BPTF: variants seen among roughly 807,000 people sequenced by gnomAD.
BPTF encodes the protein bromodomain PHD finger transcription factor.
Under a neutral mutation model 292.5 loss-of-function variants are expected in BPTF, and 18 were observed. The ratio of observed to expected loss-of-function variants is 0.06; its 90% CI spans 0.04 to 0.09. BPTF has a LOEUF of 0.09. Ranked by LOEUF, BPTF falls within the 10% of genes least tolerant of loss-of-function variation. The pLI is 1.00. For missense variants in BPTF, 2,726 were observed against 3,498.7 expected (o/e 0.78, Z 5.57); for synonymous variants, 1,225 against 1,251.9 (o/e 0.98, Z 0.45).
intron 3 of BPTF, among the ~76,000 whole-genome samples, chr17:67,874,569 C>CT (rs953973420): frequency 6.6e-5 from 10 of 152,004 alleles, no homozygotes; most frequent in Admixed American, 1.3e-4. Context: ...GCTCATTTTA[C>CT]TTTTTTTAAA....
intron 1 of BPTF, among the ~76,000 whole-genome samples, chr17:67,841,801 A>ATTGAT (rs2057575996): frequency 6.6e-6 from 1 of 152,154 alleles, no homozygotes; most frequent in East Asian, 1.9e-4. Flanking sequence ...TACATTTAAT[A>ATTGAT]TGATTGATAA....
chr17:67,906,703 A>C (rs2062225225), intron 9 of BPTF, among the ~76,000 whole-genome samples: 1 of 152,080 alleles, frequency 6.6e-6, no homozygotes, highest in Non-Finnish European at 1.5e-5. Flanking sequence ...CATTCATTTA[A>C]ATTAAAAATA....
chr17:67,891,929 C>T lies in BPTF; in HGVS notation c.1950C>T (p.Ile650=), dbSNP rs759197596. Residue 650 remains isoleucine, a synonymous_variant, in exon 5 of 28, where the codon ATC becomes ATT. Coordinates refer to ENST00000306378, the MANE Select transcript of BPTF (RefSeq NM_182641.4). The part of the protein sequence containing the change: ...AGKGASGSTR[I]ITRLRNPDSK... ...AAGGAGCATCTGGCTCAACTCGAATCATCACCAGATTGCGGAATCCAGATA... is the reference window on the plus strand; with the variant it reads ...AAGGAGCATCTGGCTCAACTCGAATTATCACCAGATTGCGGAATCCAGATA... The T allele has an allele frequency of 1.9e-6, 3 of 1,613,024 alleles. No homozygotes were observed. Among genetic ancestry groups the T allele is most frequent in the East Asian group, 2.2e-5 (1 of 44,786 alleles).
At chr17:67,834,049 G>A (rs1403572351) in intron 1 of BPTF, among the ~76,000 whole-genome samples, 1 of 151,806 alleles carries the variant, frequency 6.6e-6, no homozygotes, top group Non-Finnish European at 1.5e-5. Context: ...TGATTTCTTT[G>A]TAGTTCTCAC....
rs906145180 is a variant in BPTF at position 67,914,715 on chromosome 17, G to A, written c.5303+1528G>A. On this transcript the variant is annotated intron_variant, in intron 11 of 27. Coordinates refer to ENST00000306378, the MANE Select transcript of BPTF (RefSeq NM_182641.4). The stretch of plus-strand genomic sequence containing the variant: ...GCACTCTTCTCTGAACTCTCCAGGA[G>A]AGTTAGGCACTGGTCCCAATCAAGT... Among the ~76,000 whole-genome samples, 64 of 152,170 alleles carry A rather than the reference G, an allele frequency of 4.2e-4. 3 individuals carry two copies. Among genetic ancestry groups the A allele is most frequent in the Non-Finnish European group, 2.9e-5 (2 of 68,028 alleles).
chr17:67,932,037 A>G lies in BPTF; in HGVS notation c.6259+18A>G, dbSNP rs1337739883. 2 of 1,597,432 alleles carry G rather than the reference A, an allele frequency of 1.3e-6. No individual in the cohort carries two copies. The highest frequency in any genetic ancestry group is 2.2e-5 in the East Asian group (1 of 44,768). ...ACAGCCAGGTATTTATCCATCCAGC[A>G]TTATCATTTTACATCTCAACAGCCA... On this transcript the variant is annotated intron_variant, in intron 18 of 27. Coordinates refer to ENST00000306378, the MANE Select transcript of BPTF (RefSeq NM_182641.4).
At chr17:67,922,079 G>C (rs1020938665) in intron 13 of BPTF, among the ~76,000 whole-genome samples, 6 of 152,008 alleles carry the variant, frequency 3.9e-5, no homozygotes, top group Non-Finnish European at 7.4e-5. Context: ...AAACAGCTCT[G>C]TTGATGGGCA....
intron 3 of BPTF, among the ~76,000 whole-genome samples, chr17:67,872,395 T>G (rs146194411): frequency 1.2e-4 from 18 of 152,204 alleles, no homozygotes; most frequent in African/African-American, 4.1e-4. Context: ...AATGATTTGG[T>G]TAAGAAAAGC....
intron 26 of BPTF, among the ~76,000 whole-genome samples, chr17:67,968,395 C>T (rs1409028479): frequency 6.6e-6 from 1 of 151,382 alleles, no homozygotes; most frequent in Non-Finnish European, 1.5e-5. Context: ...TTTGGGTAGT[C>T]GCCTTTGAGA....
chr17:67,941,804 A>G (rs1481575789), intron 19 of BPTF, among the ~76,000 whole-genome samples: 3 of 152,250 alleles, frequency 2.0e-5, no homozygotes, highest in Non-Finnish European at 4.4e-5. Flanking sequence ...TCCTAAACAG[A>G]TAGAAAATGC....
chr17:67,938,045 A>G (rs1366957046), intron 18 of BPTF, among the ~76,000 whole-genome samples: 1 of 152,238 alleles, frequency 6.6e-6, no homozygotes, highest in African/African-American at 2.4e-5. Context: ...CCCAGGAGGC[A>G]GAAGTTGCAG....
intron 4 of BPTF, among the ~76,000 whole-genome samples, chr17:67,882,251 G>A (rs905560039): frequency 6.6e-6 from 1 of 152,084 alleles, no homozygotes; most frequent in African/African-American, 2.4e-5. Flanking sequence ...AATGGGAAAT[G>A]ATATTTAGAG....
chr17:67,907,829 A>G (rs2062338893), intron 9 of BPTF, among the ~76,000 whole-genome samples: 1 of 152,190 alleles, frequency 6.6e-6, no homozygotes, highest in African/African-American at 2.4e-5. Context: ...CGTAATTAAC[A>G]AATTAATAAT....
intron 3 of BPTF, among the ~76,000 whole-genome samples, chr17:67,868,092 TATA>T (rs1258139364): frequency 6.6e-6 from 1 of 152,234 alleles, no homozygotes; most frequent in Non-Finnish European, 1.5e-5. Flanking sequence ...TGGGTTATAA[TATA>T]ATTGGATATT....
At chr17:67,879,968 A>G (rs765095543) in intron 4 of BPTF, among the ~76,000 whole-genome samples, 7 of 152,200 alleles carry the variant, frequency 4.6e-5, no homozygotes, top group South Asian at 2.1e-4. Context: ...TGGCAGGACA[A>G]ACATCTAAAC....
At chr17:67,851,605 A>G (rs1487388428) in intron 1 of BPTF, among the ~76,000 whole-genome samples, 1 of 152,170 alleles carries the variant, frequency 6.6e-6, no homozygotes, top group East Asian at 1.9e-4. Flanking sequence ...TGTTTTATAG[A>G]GCTTTTGTTT....
In BPTF at chr17:67,946,254, C is replaced by G. The variant is rs1555675416; in HGVS notation, c.7546C>G (p.Gln2516Glu). ...QLRDQQQKKK[Q>E]QQIEIKREHT... is the part of the protein sequence containing the mutation. ...CAGGGATCAGCAGCAAAAGAAGAAA[C>G]AGCAACAGATAGAAATTAAGCGTGA... The change falls in exon 21 of 28, where the codon CAG becomes GAG. Residue 2516 changes from glutamine (Q) to glutamate (E), a missense_variant. Around this residue, in one of 22 missense-constraint regions of BPTF, gnomAD observed 570 missense variants for 633.5 expected, o/e 0.90. Transcript: ENST00000306378. The G allele has an allele frequency of 1.2e-6, 2 of 1,614,214 alleles. No individual in the cohort carries two copies. The highest frequency in any genetic ancestry group is 1.7e-6 in the Non-Finnish European group (2 of 1,180,042).
intron 15 of BPTF, among the ~76,000 whole-genome samples, chr17:67,927,889 AT>A (rs930006339): frequency 9.0e-4 from 131 of 145,948 alleles, no homozygotes; most frequent in African/African-American, 9.5e-4. Context: ...AATTCAGGTA[AT>A]TTTTTTTTTT....
At chr17:67,885,916 C>CA (rs957879623) in intron 4 of BPTF, among the ~76,000 whole-genome samples, 1 of 151,780 alleles carries the variant, frequency 6.6e-6, no homozygotes, top group African/African-American at 2.4e-5. Context: ...CTCACCCCCC[C>CA]AAAAAAAGTC....
Sources: allele counts gnomAD v4.1 joint callset (sites outside exome capture counted in the v4.1 genomes callset), GRCh38; gene constraint gnomAD v4.1.1; regional missense constraint gnomAD v4.1.1; transcripts MANE v1.5; gene names NCBI Gene and HGNC (gene_info 2026-07-23, HGNC 2026-07-21).